The following STARD9 variants were observed in gnomAD, a reference collection of about 807,000 sequenced individuals.
STARD9 encodes the protein StAR related lipid transfer domain containing 9, also known as stAR-related lipid transfer protein 9.
Under a neutral mutation model 399.8 loss-of-function variants are expected in STARD9, and 346 were observed. The observed-to-expected ratio is 0.87, with a 90% CI of 0.79 to 0.95. The LOEUF is 0.95. Ranked by LOEUF, STARD9 falls within the 40% of genes least tolerant of loss-of-function variation. The pLI, the probability that STARD9 is intolerant of heterozygous loss-of-function variation, is 0.00. For missense variants in STARD9, 5,832 were observed against 5,667.5 expected (o/e 1.03, Z -0.93); for synonymous variants, 2,203 against 2,143.5 (o/e 1.03, Z -0.77).
At chr15:42,663,099 T>C in intron 11 of STARD9, 182 bp from the exon 12 acceptor site, 4 of 729,306 alleles carry the variant, frequency 5.5e-6, no homozygotes, top group Non-Finnish European at 4.4e-6. Flanking sequence ...TAAAAAATTA[T>C]GTGACTCAAA....
chr15:42,629,131 C>T (rs976919784), intron 3 of STARD9, among the ~76,000 whole-genome samples: 4 of 152,022 alleles, frequency 2.6e-5, no homozygotes, highest in African/African-American at 9.7e-5. Context: ...GCAATCCTCC[C>T]ACCTCAGCCT....
At chr15:42,637,275 C>T (rs1252045930) in intron 4 of STARD9, among the ~76,000 whole-genome samples, 1 of 152,050 alleles carries the variant, frequency 6.6e-6, no homozygotes, top group African/African-American at 2.4e-5. Context: ...TGCAGTGGCA[C>T]GATCTCAGCT....
intron 9 of STARD9, among the ~76,000 whole-genome samples, chr15:42,658,636 C>G (rs2059928064): frequency 6.6e-6 from 1 of 151,968 alleles, no homozygotes; most frequent in South Asian, 2.1e-4. Flanking sequence ...GCACGCATTA[C>G]CATGCCTGGC....
chr15:42,577,055 A>G (rs1356791353), intron 1 of STARD9, among the ~76,000 whole-genome samples: 1 of 152,140 alleles, frequency 6.6e-6, no homozygotes, highest in Non-Finnish European at 1.5e-5. Flanking sequence ...TATATTCTGT[A>G]TTTGTGAAAC....
rs980902657 is a variant in STARD9, at chr15:42,686,160, G to A, written c.4582G>A (p.Gly1528Arg). The change falls in exon 23 of 33, where the codon GGA becomes AGA. Residue 1528 changes from glycine to arginine, a missense_variant. Around this residue, in one of 2 missense-constraint regions of STARD9, gnomAD observed 5,828 missense variants for 5,651.1 expected, o/e 1.03. Coordinates refer to ENST00000290607, the MANE Select transcript of STARD9 (RefSeq NM_020759.3). ...CCTGGCCCAAGCTTCTAGCAAAGGAGGAGATACTCTATTGCCAGTTGGCCC... is the reference window on the plus strand; with the variant it reads ...CCTGGCCCAAGCTTCTAGCAAAGGAAGAGATACTCTATTGCCAGTTGGCCC... ...GSLAQASSKGGDTLLPVGPRV... is the reference protein window; with the variant it reads ...GSLAQASSKGRDTLLPVGPRV... 1.3e-6 allele frequency: 2 copies of A among 1,537,312 alleles called. No individual in the cohort carries two copies. Among genetic ancestry groups the A allele is most frequent in the African/African-American group, 1.4e-5 (1 of 73,040 alleles).
intron 26 of STARD9, among the ~76,000 whole-genome samples, chr15:42,713,456 G>A (rs1479299118): frequency 6.6e-6 from 1 of 152,190 alleles, no homozygotes; most frequent in East Asian, 1.9e-4. Context: ...GAGAGCCGAT[G>A]TCCTTGTCTT....
chr15:42,693,193 G>C lies in STARD9; in HGVS notation c.11615G>C (p.Ser3872Thr), dbSNP rs1448973096. The change falls in exon 23 of 33, where the codon AGT (serine) becomes ACT (threonine). Residue 3872 changes from serine to threonine, a missense_variant. Ser to Thr is a moderately conservative substitution (Grantham distance 58). This residue lies in a region of STARD9 where 5,828 missense variants were observed against 5,651.1 expected (regional missense o/e 1.03). Coordinates refer to ENST00000290607, the MANE Select transcript of STARD9 (RefSeq NM_020759.3). ...CCTCATTCCCCAGGGCTCTTTCCCA[G>C]TACTTCCGAGTATCCTGGGGACTCC... ...SSPHSPGLFPSTSEYPGDSRV... is the reference protein window; with the variant it reads ...SSPHSPGLFPTTSEYPGDSRV... The C allele has an allele frequency of 5.9e-6, 9 of 1,536,978 alleles. No individual in the cohort carries two copies. Among genetic ancestry groups the C allele is most frequent in the Non-Finnish European group, 6.1e-6 (7 of 1,146,890 alleles).
chr15:42,713,696 T>C (rs1384671003), intron 26 of STARD9, among the ~76,000 whole-genome samples: 1 of 152,194 alleles, frequency 6.6e-6, no homozygotes. Flanking sequence ...ATTGCATTGA[T>C]TTTTGTATGT....
intron 21 of STARD9, 46 bp downstream of exon 21, chr15:42,681,658 TC>T (rs1452274440): frequency 4.8e-6 from 7 of 1,445,806 alleles, no homozygotes; most frequent in South Asian, 2.7e-5. Flanking sequence ...CCTTATTCTT[TC>T]ATTTTCATGC....
intron 7 of STARD9, among the ~76,000 whole-genome samples, chr15:42,643,139 C>G (rs1402609395): frequency 2.0e-5 from 3 of 151,814 alleles, no homozygotes; most frequent in Non-Finnish European, 4.4e-5. Flanking sequence ...AGCCCCAAAT[C>G]TTCTTTACTA....
intron 3 of STARD9, among the ~76,000 whole-genome samples, chr15:42,608,196 A>T (rs531666233): frequency 1.3e-5 from 2 of 152,156 alleles, no homozygotes; most frequent in Admixed American, 1.3e-4. Context: ...GTGGTTAGAG[A>T]TCTTGTGACT....
At position 42,693,290 on chromosome 15, in the gene STARD9, T is replaced by C; in HGVS notation, c.11712T>C (p.Leu3904=). Residue 3904 remains leucine (L), a synonymous_variant, in exon 23 of 33, where the codon CTT becomes CTC. Coordinates refer to ENST00000290607, the MANE Select transcript of STARD9 (RefSeq NM_020759.3). ...GGGCCTCCTCCCCAATCCTCACTCT[T>C]AGTGCCAGCACCCAAGAGCCGGGTC... ...VDRASSPILT[L]SASTQEPGLS... 1 of 1,537,056 alleles carries C rather than the reference T, an allele frequency of 6.5e-7. No homozygotes were observed.
In STARD9 at chr15:42,635,912, T is replaced by C. The variant is rs538777450; in HGVS notation, c.351+940T>C. 6.1e-4 allele frequency among the ~76,000 whole-genome samples: 93 copies of C among 152,280 alleles called. 1 individual carries two copies. The highest frequency in any genetic ancestry group is 2.1e-3 in the African/African-American group (89 of 41,580). On this transcript the variant is annotated intron_variant, in intron 4 of 32. Coordinates refer to ENST00000290607, the MANE Select transcript of STARD9 (RefSeq NM_020759.3). ...CCTGAGTCAGGGGCTTTCAAAAGTA[T>C]GCAGGATTTAATGAGAGGCTTCCTT...
In STARD9 at chr15:42,689,899, CT is replaced by C. The variant is rs1331484726; in HGVS notation, c.8322del (p.Gly2775AlafsTer15). ...CAGGAGACTGCAGAGGGCATACCCC[CT>C]GGCAGTCAGGACAGCAGCCCAGAGC... Reference protein sequence around the residue: ...VPQETAEGIPPGSQDSSPEHQ... With the variant: ...VPQETAEGIPXGSQDSSPEHQ... On this transcript the variant is annotated frameshift_variant, in exon 23 of 33. Coordinates refer to ENST00000290607, the MANE Select transcript of STARD9 (RefSeq NM_020759.3). LOFTEE classifies it high-confidence loss of function. The C allele has an allele frequency of 6.5e-7, 1 of 1,537,550 alleles. No homozygotes were observed. Among genetic ancestry groups the C allele is most frequent in the Non-Finnish European group, 8.7e-7 (1 of 1,147,006 alleles).
At chr15:42,576,248 T>C (rs1185387375) in intron 1 of STARD9, among the ~76,000 whole-genome samples, 1 of 152,110 alleles carries the variant, frequency 6.6e-6, no homozygotes, top group Non-Finnish European at 1.5e-5. Flanking sequence ...CAGGTCGCGG[T>C]TTCTTTCTAT....
At chr15:42,673,915 C>G (rs928601930) in intron 16 of STARD9, 1 of 456,444 alleles carries the variant, frequency 2.2e-6, no homozygotes, top group Admixed American at 2.3e-5. Flanking sequence ...TGTGCTTTTA[C>G]CCTTCTTAGA....
At chr15:42,713,248 A>G (rs2061284003) in intron 26 of STARD9, among the ~76,000 whole-genome samples, 1 of 152,224 alleles carries the variant, frequency 6.6e-6, no homozygotes, top group African/African-American at 2.4e-5. Flanking sequence ...CATTGCTATT[A>G]TGCAGAAATA....
chr15:42,642,400 T>A (rs1401937284), intron 7 of STARD9, among the ~76,000 whole-genome samples: 2 of 152,222 alleles, frequency 1.3e-5, no homozygotes, highest in African/African-American at 2.4e-5. Flanking sequence ...AAAGCACACA[T>A]AAGAGGCCAG....
chr15:42,632,069 G>C (rs187389986), intron 3 of STARD9, among the ~76,000 whole-genome samples: 57 of 152,106 alleles, frequency 3.7e-4, no homozygotes, highest in African/African-American at 1.3e-3. Flanking sequence ...CGGTATTGAG[G>C]TCTCTCTCTC....
Sources: allele counts gnomAD v4.1 joint callset (sites outside exome capture counted in the v4.1 genomes callset), GRCh38; gene constraint gnomAD v4.1.1; regional missense constraint gnomAD v4.1.1; transcripts MANE v1.5; gene names NCBI Gene and HGNC (gene_info 2026-07-23, HGNC 2026-07-21).